The following PDLIM5 variants were observed in gnomAD, a reference collection of about 807,000 sequenced individuals.
PDLIM5 encodes the protein PDZ and LIM domain protein 5.
PDLIM5 carries 34 observed loss-of-function variants against 64.2 expected under a neutral mutation model. That is an observed-to-expected ratio of 0.53 (90% CI 0.40 to 0.71). PDLIM5 has a LOEUF of 0.71. Among genes scored for constraint, PDLIM5 ranks in the 30% least tolerant of loss-of-function variants. The probability of loss-of-function intolerance (pLI) is 0.00; values close to 1 mark genes in which losing one functional copy is unlikely to be tolerated. For synonymous variants in PDLIM5, 253 were observed against 269.1 expected (o/e 0.94, Z 0.59); for missense variants, 683 against 733.6 (o/e 0.93, Z 0.80).
chr4:94,575,452 G>T (rs893943898), intron 4 of PDLIM5, among the ~76,000 whole-genome samples, 164 bp from the exon 5 acceptor site: 3 of 152,068 alleles, frequency 2.0e-5, no homozygotes, highest in African/African-American at 7.2e-5. Context: ...TAGCATGCAC[G>T]TTATGCTTTA....
At chr4:94,527,616 G>A (rs1730493090) in intron 3 of PDLIM5, among the ~76,000 whole-genome samples, 1 of 152,068 alleles carries the variant, frequency 6.6e-6, no homozygotes, top group African/African-American at 2.4e-5. Flanking sequence ...GGAAAGCAGT[G>A]AGTGAAACAG....
At chr4:94,603,692 C>T (rs1039570304) in intron 7 of PDLIM5, among the ~76,000 whole-genome samples, 8 of 152,144 alleles carry the variant, frequency 5.3e-5, no homozygotes, top group Admixed American at 2.0e-4. Flanking sequence ...TGTGCGCACG[C>T]GCGCGTGTGT....
At chr4:94,527,787 A>G (rs1310293719) in intron 3 of PDLIM5, among the ~76,000 whole-genome samples, 1 of 152,116 alleles carries the variant, frequency 6.6e-6, no homozygotes, top group Admixed American at 6.5e-5. Context: ...CCTTCCTTGT[A>G]TTTGTTAGTT....
intron 3 of PDLIM5, among the ~76,000 whole-genome samples, chr4:94,556,013 G>A (rs372856072): frequency 4.0e-5 from 6 of 151,380 alleles, no homozygotes; most frequent in Admixed American, 1.3e-4. Flanking sequence ...CCATTAACTC[G>A]TCATTTACAT....
intron 12 of PDLIM5, 22 bp from the exon 13 acceptor site, chr4:94,663,956 T>TTA: frequency 6.3e-7 from 1 of 1,592,750 alleles, no homozygotes. Context: ...ATAATATCTC[T>TTA]TAAATGCTGC....
intron 2 of PDLIM5, among the ~76,000 whole-genome samples, chr4:94,462,868 C>T (rs2126082199): frequency 6.6e-6 from 1 of 152,296 alleles, no homozygotes; most frequent in South Asian, 2.1e-4. Context: ...CTTCTTTTTA[C>T]AGGGCTCAGT....
At chr4:94,556,660 G>C (rs1733357695) in intron 3 of PDLIM5, among the ~76,000 whole-genome samples, 1 of 152,182 alleles carries the variant, frequency 6.6e-6, no homozygotes, top group Admixed American at 6.5e-5. Context: ...TGGCAGTGAT[G>C]ATGGGCATTT....
chr4:94,596,516 A>G (rs1199119383), intron 7 of PDLIM5, among the ~76,000 whole-genome samples: 1 of 152,056 alleles, frequency 6.6e-6, no homozygotes, highest in East Asian at 1.9e-4. Flanking sequence ...TCAGTATTGA[A>G]GAAGACTCCT....
At chr4:94,570,725 C>T (rs559518679) in intron 3 of PDLIM5, among the ~76,000 whole-genome samples, 9 of 152,256 alleles carry the variant, frequency 5.9e-5, no homozygotes, top group African/African-American at 1.9e-4. Context: ...AGATTGACAA[C>T]TTTGCAATTA....
intron 10 of PDLIM5, among the ~76,000 whole-genome samples, chr4:94,655,871 C>T (rs768072600): frequency 3.3e-5 from 5 of 152,118 alleles, no homozygotes; most frequent in Non-Finnish European, 7.4e-5. Context: ...AAAGATTTCT[C>T]TCAAGGATGG....
intron 2 of PDLIM5, among the ~76,000 whole-genome samples, chr4:94,513,177 T>G (rs1560668235): frequency 6.6e-6 from 1 of 152,206 alleles, no homozygotes; most frequent in Non-Finnish European, 1.5e-5. Flanking sequence ...TTCCTCCAGT[T>G]TTGTTCTTTG....
chr4:94,470,889 G>A (rs548264842), intron 2 of PDLIM5, among the ~76,000 whole-genome samples: 6 of 152,210 alleles, frequency 3.9e-5, no homozygotes, highest in African/African-American at 1.4e-4. Flanking sequence ...TTTTTTAATT[G>A]ACTCACAGTT....
chr4:94,523,913 A>G (rs1246164170), intron 3 of PDLIM5, 38 bp downstream of exon 3: 3 of 1,530,896 alleles, frequency 2.0e-6, no homozygotes, highest in South Asian at 2.3e-5. Flanking sequence ...AGAGAAAACA[A>G]CATTGAGGAA....
intron 3 of PDLIM5, among the ~76,000 whole-genome samples, chr4:94,548,940 A>G (rs1370146373): frequency 6.6e-6 from 1 of 152,056 alleles, no homozygotes; most frequent in Non-Finnish European, 1.5e-5. Flanking sequence ...TGCCTTGGCA[A>G]TATTTCTTGA....
chr4:94,582,261 A>G (rs775798600), intron 5 of PDLIM5, among the ~76,000 whole-genome samples: 2 of 152,196 alleles, frequency 1.3e-5, no homozygotes, highest in Non-Finnish European at 2.9e-5. Context: ...AAGTGATTCT[A>G]AAATGATCTA....
At chr4:94,623,761 G>A (rs1313822729) in intron 8 of PDLIM5, among the ~76,000 whole-genome samples, 2 of 152,046 alleles carry the variant, frequency 1.3e-5, no homozygotes, top group African/African-American at 4.8e-5. Context: ...CCAGGATATT[G>A]TTCTGTCCTC....
At chr4:94,488,170 A>C (rs1726524696) in intron 2 of PDLIM5, among the ~76,000 whole-genome samples, 1 of 152,216 alleles carries the variant, frequency 6.6e-6, no homozygotes, top group East Asian at 1.9e-4. Flanking sequence ...GCGGTTCTGC[A>C]TGTGAAATCA....
At chr4:94,510,985 TTAGAC>T (rs775524134) in intron 2 of PDLIM5, among the ~76,000 whole-genome samples, 8 of 152,354 alleles carry the variant, frequency 5.3e-5, no homozygotes, top group Non-Finnish European at 1.0e-4. Flanking sequence ...TAATAACTGT[TTAGAC>T]TAATGAAAAA....
At chr4:94,455,954 G>C (rs1343354911) in intron 2 of PDLIM5, 1 of 1,499,512 alleles carries the variant, frequency 6.7e-7, no homozygotes, top group Non-Finnish European at 8.9e-7. Flanking sequence ...CCTCATTATG[G>C]ATTTAGTTTG....
Sources: gnomAD v4.1 joint callset for allele counts (sites outside exome capture counted in the v4.1 genomes callset) on GRCh38, gnomAD v4.1.1 for gene constraint, MANE v1.5 for transcripts, NCBI Gene and HGNC (gene_info 2026-07-23, HGNC 2026-07-21) for gene names.